KCNU1: variants seen among roughly 807,000 people sequenced by gnomAD.
KCNU1 encodes the protein potassium channel subfamily U member 1.
Under a neutral mutation model 126.8 loss-of-function variants are expected in KCNU1, and 93 were observed. That is an observed-to-expected ratio of 0.73 (90% CI 0.62 to 0.87). KCNU1 has a LOEUF of 0.87. Ranked by LOEUF, KCNU1 falls within the 40% of genes least tolerant of loss-of-function variation. KCNU1 has a pLI of 0.00. For missense variants in KCNU1, 1,330 were observed against 1,367.1 expected, an observed-to-expected ratio of 0.97 and a Z score of 0.43; for synonymous variants, 523 against 494.2, an observed-to-expected ratio of 1.06 and a Z score of -0.77.
chr8:36,837,903 C>T (rs994751236), intron 14 of KCNU1, among the ~76,000 whole-genome samples: 3 of 143,778 alleles, frequency 2.1e-5, no homozygotes, highest in Admixed American at 7.5e-5. Flanking sequence ...TTTGCTCGCT[C>T]TTTCCTCTGT....
At chr8:36,889,354 T>C (rs567618759) in intron 19 of KCNU1, 1 of 442,064 alleles carries the variant, frequency 2.3e-6, no homozygotes, top group African/African-American at 2.0e-5. Flanking sequence ...TCATCATAAC[T>C]GGCTGCCACT....
At chr8:36,850,544 C>T (rs563264698) in intron 18 of KCNU1, among the ~76,000 whole-genome samples, 22 of 151,786 alleles carry the variant, frequency 1.4e-4, no homozygotes, top group Non-Finnish European at 2.1e-4. Context: ...ACAGCCTTGA[C>T]CTCCTGGGTT....
intron 2 of KCNU1, among the ~76,000 whole-genome samples, chr8:36,803,693 A>T (rs1484108169): frequency 6.6e-6 from 1 of 152,234 alleles, no homozygotes; most frequent in East Asian, 1.9e-4. Flanking sequence ...ATGAGTGAAT[A>T]AGTGATCACA....
intron 22 of KCNU1, among the ~76,000 whole-genome samples, chr8:36,916,962 T>C (rs1359599860): frequency 6.6e-6 from 1 of 152,200 alleles, no homozygotes; most frequent in African/African-American, 2.4e-5. Flanking sequence ...TTGTAGTACA[T>C]AGCATTCCCT....
At chr8:36,804,867 G>C (rs1431949192) in intron 3 of KCNU1, among the ~76,000 whole-genome samples, 3 of 152,048 alleles carry the variant, frequency 2.0e-5, no homozygotes, top group African/African-American at 7.3e-5. Context: ...ATACTGACTA[G>C]ATAGATGATC....
intron 19 of KCNU1, among the ~76,000 whole-genome samples, chr8:36,876,966 G>A (rs1350134004): frequency 2.0e-5 from 3 of 152,108 alleles, no homozygotes; most frequent in African/African-American, 7.2e-5. Context: ...CGGAGAAGTA[G>A]GAAGAGCAAC....
intron 19 of KCNU1, among the ~76,000 whole-genome samples, chr8:36,887,688 G>A (rs1373913114): frequency 6.6e-6 from 1 of 152,100 alleles, no homozygotes; most frequent in Non-Finnish European, 1.5e-5. Flanking sequence ...TCAGAATGTG[G>A]TGGTGAACTA....
chr8:36,893,684 T>C (rs1041168499), intron 19 of KCNU1, among the ~76,000 whole-genome samples: 3 of 152,102 alleles, frequency 2.0e-5, no homozygotes, highest in Non-Finnish European at 2.9e-5. Context: ...ATGAAGCTTA[T>C]TGTTCTTACC....
chr8:36,819,940 C>T (rs1804060497), intron 10 of KCNU1, among the ~76,000 whole-genome samples: 1 of 152,170 alleles, frequency 6.6e-6, no homozygotes, highest in Non-Finnish European at 1.5e-5. Context: ...CACTTTGCTA[C>T]TTCAGGCCTA....
intron 10 of KCNU1, among the ~76,000 whole-genome samples, chr8:36,823,789 A>G (rs1804214266): frequency 6.6e-6 from 1 of 151,564 alleles, no homozygotes; most frequent in South Asian, 2.1e-4. Flanking sequence ...CAGAATGTTT[A>G]TTCACGTCTA....
chr8:36,865,266 C>T (rs909932495), intron 19 of KCNU1, among the ~76,000 whole-genome samples: 4 of 152,034 alleles, frequency 2.6e-5, no homozygotes, highest in Non-Finnish European at 4.4e-5. Flanking sequence ...AAGCACTTTG[C>T]TGCTGCAGCC....
chr8:36,869,964 C>T (rs756402575), intron 19 of KCNU1, among the ~76,000 whole-genome samples: 2 of 152,164 alleles, frequency 1.3e-5, no homozygotes, highest in Non-Finnish European at 2.9e-5. Context: ...ACCAGCCTGA[C>T]AAGCATACCA....
intron 19 of KCNU1, among the ~76,000 whole-genome samples, chr8:36,865,496 C>A (rs1028201011): frequency 3.3e-5 from 5 of 151,646 alleles, no homozygotes; most frequent in South Asian, 2.1e-4. Context: ...CTGGGCATAG[C>A]AGCTCATGCC....
intron 20 of KCNU1, among the ~76,000 whole-genome samples, chr8:36,908,384 T>A (rs1194659816): frequency 6.6e-6 from 1 of 152,118 alleles, no homozygotes; most frequent in African/African-American, 2.4e-5. Context: ...AAATTTTTTT[T>A]ATTATACTTT....
chr8:36,893,294 C>A (rs1807048817), intron 19 of KCNU1, among the ~76,000 whole-genome samples: 1 of 151,298 alleles, frequency 6.6e-6, no homozygotes, highest in Non-Finnish European at 1.5e-5. Flanking sequence ...ACTTCTAATT[C>A]TCCAGCTTTT....
At position 36,787,299 on chromosome 8, in the gene KCNU1, A is replaced by G; in HGVS notation, c.196-7A>G. 1 of 1,603,780 alleles carries G rather than the reference A, an allele frequency of 6.2e-7. No individual in the cohort carries two copies. Among genetic ancestry groups the G allele is most frequent in the Non-Finnish European group, 8.5e-7 (1 of 1,174,658 alleles). On this transcript the variant is annotated splice_polypyrimidine_tract_variant and splice_region_variant and intron_variant, in intron 1 of 26. Coordinates refer to ENST00000399881, the MANE Select transcript of KCNU1 (RefSeq NM_001031836.3). ...TCACATTGTCAATTTCTTTCTCTTG[A>G]TTGTAGGAACTGTTCACATCAGGTA...
At chr8:36,788,269 C>G (rs950820038) in intron 2 of KCNU1, among the ~76,000 whole-genome samples, 2 of 152,076 alleles carry the variant, frequency 1.3e-5, no homozygotes, top group African/African-American at 2.4e-5. Context: ...CTTTAATAAT[C>G]GTTGAGCATT....
At chr8:36,889,373 A>G in intron 19 of KCNU1, 1 of 413,538 alleles carries the variant, frequency 2.4e-6, no homozygotes, top group East Asian at 6.7e-5. Flanking sequence ...CTTGTCATCA[A>G]CACAACACCA....
chr8:36,920,190 A>G (rs1006757850), intron 23 of KCNU1, among the ~76,000 whole-genome samples: 1 of 151,800 alleles, frequency 6.6e-6, no homozygotes, highest in African/African-American at 2.4e-5. Flanking sequence ...TAACTCACTC[A>G]CTCTCCACTC....
Sources: allele counts gnomAD v4.1 joint callset (sites outside exome capture counted in the v4.1 genomes callset), GRCh38; gene constraint gnomAD v4.1.1; transcripts MANE v1.5; gene names NCBI Gene and HGNC (gene_info 2026-07-23, HGNC 2026-07-21).